The following MBTPS1 variants were observed in gnomAD, a reference collection of about 807,000 sequenced individuals.
MBTPS1 encodes membrane bound transcription factor peptidase, site 1.
Under a neutral mutation model 127.8 loss-of-function variants are expected in MBTPS1, and 94 were observed. The observed-to-expected ratio is 0.74, with a 90% CI of 0.62 to 0.87. MBTPS1 has a LOEUF of 0.87. Among genes scored for constraint, MBTPS1 ranks in the 40% least tolerant of loss-of-function variants. The probability of loss-of-function intolerance (pLI) is 0.00; values close to 1 mark genes in which losing one functional copy is unlikely to be tolerated. For synonymous variants in MBTPS1, 632 were observed against 509.4 expected, an observed-to-expected ratio of 1.24 and a Z score of -3.24; for missense variants, 1,636 against 1,353.2, an observed-to-expected ratio of 1.21 and a Z score of -3.28.
intron 1 of MBTPS1, among the ~76,000 whole-genome samples, chr16:84,115,752 G>A (rs2086465709): frequency 6.6e-6 from 1 of 152,124 alleles, no homozygotes; most frequent in Non-Finnish European, 1.5e-5. Context: ...ACTACAACTG[G>A]GCATCAGAGG....
rs895489340 is a variant in MBTPS1 at position 84,092,171 on chromosome 16, C to T, written c.847-323G>A. On this transcript the variant is annotated intron_variant, in intron 6 of 22. Coordinates refer to ENST00000343411, the MANE Select transcript of MBTPS1 (RefSeq NM_003791.4). ...CAAGCTCCCAACCGCCCCTCTCCTA[C>T]AAAAGGACTTATCCCAAGGCACTTC... Among the ~76,000 whole-genome samples the T allele has an allele frequency of 4.6e-5, 7 of 152,282 alleles. No homozygotes were observed. The East Asian group carries it at 1.3e-3, about 29-fold the overall frequency.
At position 84,093,730 on chromosome 16, in the gene MBTPS1, G is replaced by A. The variant is rs769152321; in HGVS notation, c.717C>T (p.Asn239=). 18 of 1,613,628 alleles carry A rather than the reference G, an allele frequency of 1.1e-5. No homozygotes were observed. Among genetic ancestry groups the A allele is most frequent in the East Asian group, 6.7e-5 (3 of 44,898 alleles). ...ACCCACCATCGTCCAGCGTTCGCTC[G>A]TTGGTCCAGTTGGTTCTCTCCTTCA... ...KNVKERTNWT[N]ERTLDDGLGH... is the part of the protein sequence containing the mutation. The change falls in exon 5 of 23, where the codon AAC becomes AAT. Residue 239 remains asparagine (N), a synonymous_variant. Transcript: ENST00000343411.
intron 22 of MBTPS1, 47 bp from the exon 23 acceptor site, chr16:84,054,692 C>A (rs1420434645): frequency 2.8e-6 from 4 of 1,416,766 alleles, no homozygotes; most frequent in Non-Finnish European, 3.8e-6. Flanking sequence ...CACAGAGCTA[C>A]CATGACGGCC....
intron 8 of MBTPS1, among the ~76,000 whole-genome samples, chr16:84,089,756 G>A (rs1567493312): frequency 6.6e-6 from 1 of 152,226 alleles, no homozygotes; most frequent in Non-Finnish European, 1.5e-5. Flanking sequence ...CATGCTGGAA[G>A]AGCTGGGGTG....
chr16:84,068,320 G>C lies in MBTPS1; in HGVS notation c.2071+19C>G, dbSNP rs1305254989. The C allele has an allele frequency of 2.7e-6, 4 of 1,490,674 alleles. No homozygotes were observed. Among genetic ancestry groups the C allele is most frequent in the Non-Finnish European group, 3.7e-6 (4 of 1,067,984 alleles). The allele number at this position is 1,490,674 out of a possible 1,614,324, so 92.3% of individuals were successfully genotyped here. On this transcript the variant is annotated intron_variant, in intron 15 of 22. Transcript: ENST00000343411. The stretch of plus-strand genomic sequence containing the variant: ...AGTGGGCGGAAAGACCATCTGGCTA[G>C]CACAGCAGTGCCACTTACCATACTG...
intron 16 of MBTPS1, 59 bp from the exon 17 acceptor site, chr16:84,066,672 T>A: frequency 6.5e-7 from 1 of 1,527,064 alleles, no homozygotes; most frequent in African/African-American, 1.4e-5. Flanking sequence ...CATACACAGT[T>A]ATTTAGTCTC....
intron 19 of MBTPS1, 147 bp downstream of exon 19, chr16:84,063,158 A>C (rs1309279437): frequency 3.8e-6 from 3 of 789,028 alleles, no homozygotes; most frequent in Non-Finnish European, 6.2e-6. Flanking sequence ...CCAAGCAATC[A>C]AAGTGACTGC....
intron 8 of MBTPS1, 63 bp from the exon 9 acceptor site, chr16:84,087,523 A>T (rs1178728964): frequency 1.4e-5 from 15 of 1,090,350 alleles, no homozygotes. Context: ...GAAATAATTT[A>T]AAATGGATGA....
At chr16:84,069,807 T>G in intron 14 of MBTPS1, 59 bp downstream of exon 14, 1 of 1,457,344 alleles carries the variant, frequency 6.9e-7, no homozygotes, top group South Asian at 1.2e-5. Flanking sequence ...GCGGGAACAG[T>G]GGTGCCTCCT....
chr16:84,115,188 A>G (rs1271297525), intron 1 of MBTPS1, among the ~76,000 whole-genome samples: 1 of 152,008 alleles, frequency 6.6e-6, no homozygotes, highest in Non-Finnish European at 1.5e-5. Context: ...CGGCCTCCCA[A>G]ATTGTGGGAT....
chr16:84,093,284 G>A lies in MBTPS1; in HGVS notation c.750C>T (p.Gly250=), dbSNP rs778990298. The A allele has an allele frequency of 3.7e-6, 6 of 1,611,964 alleles. No individual in the cohort carries two copies. In the South Asian group the frequency reaches 5.5e-5, roughly 15 times the overall value. The change falls in exon 6 of 23, where the codon GGC becomes GGT. Residue 250 remains glycine (G), a synonymous_variant. Coordinates refer to ENST00000343411, the MANE Select transcript of MBTPS1 (RefSeq NM_003791.4). Reference sequence around the variant, plus strand: ...TGGCTATCACACCTGCCACGAATGTGCCATGGCCCAACCCTGCAGTCCATA... The same window carrying A: ...TGGCTATCACACCTGCCACGAATGTACCATGGCCCAACCCTGCAGTCCATA... ...ERTLDDGLGH[G]TFVAGVIASM...
intron 9 of MBTPS1, chr16:84,086,233 G>A (rs1376269186): frequency 6.6e-6 from 1 of 152,238 alleles, no homozygotes; most frequent in Non-Finnish European, 1.5e-5. Context: ...GAAGGCCATG[G>A]ACGTGACATC....
chr16:84,086,029 C>T (rs1023665239), intron 9 of MBTPS1: 19 of 152,166 alleles, frequency 1.2e-4, no homozygotes, highest in African/African-American at 4.3e-4. Context: ...AGAATTGGGG[C>T]AAAACGAAAA....
rs375432685 is a variant in MBTPS1 at position 84,091,821 on chromosome 16, C to A, written c.874G>T (p.Ala292Ser). The A allele has an allele frequency of 6.2e-7, 1 of 1,612,810 alleles. No homozygotes were observed. Among genetic ancestry groups the A allele is most frequent in the African/African-American group, 1.3e-5 (1 of 74,884 alleles). Residue 292 changes from alanine to serine, a missense_variant, in exon 7 of 23, where the codon GCC becomes TCC. Coordinates refer to ENST00000343411, the MANE Select transcript of MBTPS1 (RefSeq NM_003791.4). ...TTCTTTAAAATGGCATAGTTGAAGG[C>A]GTCCAAAAACCAAGATGTGTAAGAT... ...QVSYTSWFLD[A>S]FNYAILKKID...
Position 84,084,957 on chromosome 16 carries a change from A to G in MBTPS1, c.1286+26T>C, listed in dbSNP as rs1213617265. On this transcript the variant is annotated intron_variant, in intron 10 of 22. Coordinates refer to ENST00000343411, the MANE Select transcript of MBTPS1 (RefSeq NM_003791.4). ...GTGCTCCTGTCCTGACGTGGGAGCT[A>G]CTGGTCTCTAGGGGGCAGCACTCAC... 6 of 1,608,610 alleles carry G rather than the reference A, an allele frequency of 3.7e-6. No homozygotes were observed. In the Admixed American group the frequency reaches 8.4e-5, roughly 23 times the overall value.
At chr16:84,080,693 T>C (rs932763396) in intron 11 of MBTPS1, among the ~76,000 whole-genome samples, 1 of 152,240 alleles carries the variant, frequency 6.6e-6, no homozygotes, top group Admixed American at 6.5e-5. Context: ...ACAGGCAATC[T>C]GGTTCAAGGA....
At chr16:84,085,971 C>G (rs994842078) in intron 9 of MBTPS1, 1 of 152,118 alleles carries the variant, frequency 6.6e-6, no homozygotes, top group Admixed American at 6.5e-5. Context: ...GATAACCACA[C>G]GACTAACTTG....
chr16:84,061,875 T>G (rs977243676), intron 19 of MBTPS1, among the ~76,000 whole-genome samples: 1 of 152,118 alleles, frequency 6.6e-6, no homozygotes. Context: ...CTAGACAAGA[T>G]CCGTGTGAGA....
At chr16:84,108,388 T>C (rs1597355015) in intron 1 of MBTPS1, among the ~76,000 whole-genome samples, 6 of 152,242 alleles carry the variant, frequency 3.9e-5, no homozygotes, top group Admixed American at 3.9e-4. Flanking sequence ...CTCAGCCTCC[T>C]GAGTAGCTGG....
Sources: allele counts gnomAD v4.1 joint callset (sites outside exome capture counted in the v4.1 genomes callset), GRCh38; gene constraint gnomAD v4.1.1; transcripts MANE v1.5; gene names NCBI Gene and HGNC (gene_info 2026-07-23, HGNC 2026-07-21).